CCDC144A: variants seen among roughly 807,000 people sequenced by gnomAD.
CCDC144A encodes coiled-coil domain-containing protein 144A.
Under a neutral mutation model 143.8 loss-of-function variants are expected in CCDC144A, and 41 were observed. That is an observed-to-expected ratio of 0.29 (90% CI 0.22 to 0.37). CCDC144A has a LOEUF of 0.37. Ranked by LOEUF, CCDC144A falls within the 10% of genes least tolerant of loss-of-function variation. CCDC144A has a pLI of 1.00. For synonymous variants in CCDC144A, 242 were observed against 517.9 expected (o/e 0.47, Z 7.23); for missense variants, 637 against 1,488.8 (o/e 0.43, Z 9.41).
the CCDC144A span, among the ~76,000 whole-genome samples, chr17:16,675,541 A>T: frequency 1.7e-4 from 25 of 147,534 alleles, no homozygotes; most frequent in Middle Eastern, 3.5e-3. Flanking sequence ...AAAACAAAAT[A>T]AAAAAAAAAG....
chr17:16,711,677 A>AG lies in CCDC144A; in HGVS notation c.1579dup. The AG allele has an allele frequency of 6.2e-7, 1 of 1,607,918 alleles. No individual in the cohort carries two copies. The highest frequency in any genetic ancestry group is 8.5e-7 in the Non-Finnish European group (1 of 1,177,430). ...ATCCTGAACATCAAACTCTCACTCAAGGTTGAAGAAGAAATGGAGAAGCAC... is the reference window on the plus strand; with the variant it reads ...ATCCTGAACATCAAACTCTCACTCAAGGGTTGAAGAAGAAATGGAGAAGCAC... On this transcript the variant is annotated splice_acceptor_variant, in intron 5 of 16. Transcript: ENST00000399273. LOFTEE classifies it high-confidence loss of function.
intron 2 of CCDC144A, among the ~76,000 whole-genome samples, chr17:16,693,542 C>G (rs1911222126): frequency 6.6e-6 from 1 of 152,094 alleles, no homozygotes; most frequent in Non-Finnish European, 1.5e-5. Context: ...GTCTCGATCT[C>G]CTGACCTCAT....
At chr17:16,694,500 T>G (rs1259980795) in intron 2 of CCDC144A, among the ~76,000 whole-genome samples, 1 of 152,004 alleles carries the variant, frequency 6.6e-6, no homozygotes, top group African/African-American at 2.4e-5. Context: ...GGAGGATCGC[T>G]TGAGCCTGGG....
At chr17:16,686,281 A>C (rs1443811515), upstream of CCDC144A, among the ~76,000 whole-genome samples, 2 of 151,940 alleles carry the variant, frequency 1.3e-5, no homozygotes, top group East Asian at 1.9e-4. Flanking sequence ...CCCTCCCTCC[A>C]TGCTGGCACC....
intron 12 of CCDC144A, among the ~76,000 whole-genome samples, chr17:16,755,707 G>A (rs1292670898): frequency 6.6e-6 from 1 of 152,172 alleles, no homozygotes; most frequent in Non-Finnish European, 1.5e-5. Flanking sequence ...CCACAGGCAT[G>A]AGCCACCATG....
At chr17:16,773,351 G>T (rs1201531240) in intron 16 of CCDC144A, 146 bp from the exon 17 acceptor site, 3 of 1,062,730 alleles carry the variant, frequency 2.8e-6, no homozygotes, top group Non-Finnish European at 3.8e-6. Context: ...TTGGGGCTGA[G>T]GCAGGAGAAT....
At chr17:16,679,473 T>C in the CCDC144A span, among the ~76,000 whole-genome samples, 1 of 152,104 alleles carries the variant, frequency 6.6e-6, no homozygotes, top group African/African-American at 2.4e-5. Flanking sequence ...ATTTTTTTTT[T>C]TTCCTGAGAC....
the CCDC144A span, among the ~76,000 whole-genome samples, chr17:16,668,687 T>C: frequency 6.6e-6 from 1 of 152,264 alleles, no homozygotes; most frequent in Non-Finnish European, 1.5e-5. Context: ...GTTGTCATTA[T>C]ATAGTATTTA....
chr17:16,677,950 T>C, the CCDC144A span, among the ~76,000 whole-genome samples: 2 of 152,114 alleles, frequency 1.3e-5, no homozygotes, highest in South Asian at 4.2e-4. Flanking sequence ...GATAACTTGA[T>C]TCCACTTAAA....
chr17:16,768,809 C>T (rs567851846), intron 15 of CCDC144A, among the ~76,000 whole-genome samples: 1 of 151,138 alleles, frequency 6.6e-6, no homozygotes, highest in Non-Finnish European at 1.5e-5. Context: ...AATTTTCTAA[C>T]TACTCCCCTC....
intron 12 of CCDC144A, among the ~76,000 whole-genome samples, chr17:16,756,413 T>C (rs1485366755): frequency 6.6e-6 from 1 of 151,872 alleles, no homozygotes; most frequent in African/African-American, 2.4e-5. Flanking sequence ...TTCTCAGTTG[T>C]TTTTATTTTA....
chr17:16,668,624 A>G, the CCDC144A span, among the ~76,000 whole-genome samples: 2 of 152,236 alleles, frequency 1.3e-5, no homozygotes, highest in African/African-American at 2.4e-5. Flanking sequence ...ACTTTAGGAT[A>G]TAATGGTCCC....
At chr17:16,728,883 C>T (rs538091317) in intron 9 of CCDC144A, among the ~76,000 whole-genome samples, 1 of 152,268 alleles carries the variant, frequency 6.6e-6, no homozygotes, top group African/African-American at 2.4e-5. Context: ...GAATAATGGC[C>T]TCCAGTCCCT....
chr17:16,756,346 G>A (rs1359798895), intron 12 of CCDC144A, among the ~76,000 whole-genome samples: 34 of 151,968 alleles, frequency 2.2e-4, no homozygotes, highest in Non-Finnish European at 4.3e-4. Flanking sequence ...CTCATATAAA[G>A]ACCTCTCTTC....
chr17:16,766,230 T>G (rs1341775285), intron 15 of CCDC144A: 2 of 152,342 alleles, frequency 1.3e-5, no homozygotes, highest in Non-Finnish European at 2.9e-5. Flanking sequence ...AGTTTCTGAT[T>G]AGCTTTTCCA....
At chr17:16,688,768 G>A (rs1910883153), upstream of CCDC144A, among the ~76,000 whole-genome samples, 1 of 152,088 alleles carries the variant, frequency 6.6e-6, no homozygotes, top group African/African-American at 2.4e-5. Flanking sequence ...GATTACAGGT[G>A]GGAGCCACTG....
intron 15 of CCDC144A, among the ~76,000 whole-genome samples, chr17:16,766,786 A>T (rs1179605968): frequency 6.6e-6 from 1 of 152,186 alleles, no homozygotes; most frequent in Non-Finnish European, 1.5e-5. Flanking sequence ...AGCAGATGTG[A>T]TGCAAGGGAA....
chr17:16,756,084 A>T (rs1403945010), intron 12 of CCDC144A, among the ~76,000 whole-genome samples: 1 of 152,234 alleles, frequency 6.6e-6, no homozygotes, highest in East Asian at 1.9e-4. Flanking sequence ...GCTGCAGAGA[A>T]GACATTTTTT....
At chr17:16,742,365 A>G (rs982599605) in intron 12 of CCDC144A, among the ~76,000 whole-genome samples, 2 of 152,104 alleles carry the variant, frequency 1.3e-5, no homozygotes, top group Non-Finnish European at 2.9e-5. Context: ...TGTCCTCATC[A>G]TGCTGTAAAT....
Sources: gnomAD v4.1 joint callset for allele counts (sites outside exome capture counted in the v4.1 genomes callset) on GRCh38, gnomAD v4.1.1 for gene constraint, MANE v1.5 for transcripts, NCBI Gene and HGNC (gene_info 2026-07-23, HGNC 2026-07-21) for gene names.